Variants in VSIG10L observed in about 807,000 individuals in gnomAD.
The protein encoded by VSIG10L is V-set and immunoglobulin domain containing 10 like, also known as V-set and immunoglobulin domain-containing protein 10-like.
VSIG10L carries 63 observed loss-of-function variants against 67.3 expected under a neutral mutation model. The ratio of observed to expected loss-of-function variants is 0.94; its 90% CI spans 0.76 to 1.15. The LOEUF is 1.15. Among genes scored for constraint, VSIG10L ranks in the 50% most tolerant of loss-of-function variants. The pLI is 0.00. For synonymous variants in VSIG10L, 499 were observed against 524.9 expected (o/e 0.95, Z 0.67); for missense variants, 1,050 against 1,177.5 (o/e 0.89, Z 1.58).
At position 51,341,921 on chromosome 19, in the gene VSIG10L, T is replaced by G; in HGVS notation, c.127A>C (p.Ser43Arg). ...TCCACACCCAGCCCCTGGGAAGAGCTCTTTGAGTCTGAAGAGAAGGCAGAG... is the reference window on the plus strand; with the variant it reads ...TCCACACCCAGCCCCTGGGAAGAGCGCTTTGAGTCTGAAGAGAAGGCAGAG... ...FSSAFSSDSK[S>R]SSQGLGVEVP... The change falls in exon 2 of 10, where the codon AGC becomes CGC. Residue 43 changes from serine to arginine, a missense_variant. By Grantham distance (110) the Ser-to-Arg change is moderately radical. This residue lies in a region of VSIG10L where 511 missense variants were observed against 557.9 expected (regional missense o/e 0.92). Coordinates refer to ENST00000335624, the MANE Select transcript of VSIG10L (RefSeq NM_001163922.3). 1 of 1,551,542 alleles carries G rather than the reference T, an allele frequency of 6.4e-7. No individual in the cohort carries two copies. The highest frequency in any genetic ancestry group is 8.7e-7 in the Non-Finnish European group (1 of 1,146,966).
chr19:51,338,906 T>C lies in VSIG10L; in HGVS notation c.1711A>G (p.Thr571Ala). The part of the protein sequence containing the change: ...CLARHLVATR[T>A]CTVTPEAPRE... The stretch of plus-strand genomic sequence containing the variant: ...CTCTCACCCGGCGTGACTGTGCAGG[T>C]ACGCGTGGCCACCAGGTGGCGAGCA... The change falls in exon 5 of 10, where the codon ACC becomes GCC. Residue 571 changes from threonine to alanine, a missense_variant. Thr to Ala is a moderately conservative substitution (Grantham distance 58, BLOSUM62 0). Transcript: ENST00000335624. The C allele has an allele frequency of 2.1e-6, 3 of 1,439,162 alleles. No homozygotes were observed. Among genetic ancestry groups the C allele is most frequent in the Non-Finnish European group, 2.7e-6 (3 of 1,092,904 alleles). The allele number at this position is 1,439,162 out of a possible 1,614,324, so 89.1% of individuals were successfully genotyped here.
intron 4 of VSIG10L, 33 bp downstream of exon 4, chr19:51,339,982 A>G: frequency 1.6e-6 from 2 of 1,230,912 alleles, no homozygotes; most frequent in Non-Finnish European, 1.0e-6. Flanking sequence ...CCCCTCTCCC[A>G]GGCATTCCCC....
At chr19:51,334,330 G>C (rs1422344829) in intron 7 of VSIG10L, 26 bp from the exon 8 acceptor site, 11 of 1,546,050 alleles carry the variant, frequency 7.1e-6, no homozygotes, top group Admixed American at 4.0e-5. Context: ...AGAAGAAAGA[G>C]AAGGGGAACA....
In VSIG10L at chr19:51,341,379, C is replaced by CA. The variant is rs1985632873; in HGVS notation, c.668dup (p.Val224GlyfsTer35). The CA allele has an allele frequency of 4.6e-6, 7 of 1,538,106 alleles. No individual in the cohort carries two copies. The highest frequency in any genetic ancestry group is 3.5e-6 in the Non-Finnish European group (4 of 1,143,428). On this transcript the variant is annotated frameshift_variant, in exon 2 of 10. Transcript: ENST00000335624. LOFTEE classifies it high-confidence loss of function. ...CCTTTGAGCCCCGGCGCCAGACCACCAGAGAGGTGGGGGGCCCAGGGTTGG... is the reference window on the plus strand; with the variant it reads ...CCTTTGAGCCCCGGCGCCAGACCACCAAGAGAGGTGGGGGGCCCAGGGTTGG...
At chr19:51,335,782 C>T (rs577694166) in intron 7 of VSIG10L, among the ~76,000 whole-genome samples, 1 of 152,214 alleles carries the variant, frequency 6.6e-6, no homozygotes, top group Non-Finnish European at 1.5e-5. Flanking sequence ...CGTGGTGGCT[C>T]ACACCTGTAA....
chr19:51,333,718 C>G (rs944631977), intron 9 of VSIG10L, 73 bp downstream of exon 9: 13 of 1,441,560 alleles, frequency 9.0e-6, no homozygotes, highest in Non-Finnish European at 1.2e-5. Context: ...AATTGAGACC[C>G]TCTCATCTCC....
In VSIG10L at chr19:51,341,758, A is replaced by G; in HGVS notation, c.290T>C (p.Val97Ala). 1 of 1,551,648 alleles carries G rather than the reference A, an allele frequency of 6.4e-7. No individual in the cohort carries two copies. Among genetic ancestry groups the G allele is most frequent in the Non-Finnish European group, 8.7e-7 (1 of 1,146,972 alleles). Residue 97 changes from valine to alanine, a missense_variant, in exon 2 of 10, where the codon GTT becomes GCT. By Grantham distance (64) the Val-to-Ala change is moderately conservative. This residue lies in a region of VSIG10L where 511 missense variants were observed against 557.9 expected (regional missense o/e 0.92). Transcript: ENST00000335624. ...GCTCAAATCTTGGCCCTCAGCAGAA[A>G]CATTTGACCAGAAGGACCCAGACAT... ...SNMSGSFWSN[V>A]SAEGQDLSPV...
chr19:51,336,753 C>T (rs1051151485), intron 7 of VSIG10L, among the ~76,000 whole-genome samples: 1 of 145,990 alleles, frequency 6.8e-6, no homozygotes, highest in African/African-American at 2.6e-5. Flanking sequence ...AGGACCCTGT[C>T]GACACCTTGA....
intron 6 of VSIG10L, 37 bp downstream of exon 6, chr19:51,337,893 C>A: frequency 6.6e-7 from 1 of 1,509,308 alleles, no homozygotes. Context: ...CGGCTGGGGA[C>A]GTGGACTTCA....
intron 6 of VSIG10L, 73 bp downstream of exon 6, chr19:51,337,857 T>C: frequency 6.8e-7 from 1 of 1,467,696 alleles, no homozygotes. Flanking sequence ...GTCTGGGGCC[T>C]GAACTTCTGG....
intron 7 of VSIG10L, among the ~76,000 whole-genome samples, chr19:51,336,703 A>G (rs1183517742): frequency 4.0e-5 from 6 of 151,894 alleles, no homozygotes; most frequent in Non-Finnish European, 7.4e-5. Context: ...GGAGCTAGGA[A>G]GACACAAAGG....
At position 51,341,187 on chromosome 19, in the gene VSIG10L, G is replaced by A; in HGVS notation, c.861C>T (p.Ser287=). ...CCACCGTGAACTCGTGAGTCTGCTG[G>A]GAGACCCCTGCCCGGATGACCTCAG... ...YTAEVIRAGV[S]QQTHEFTVGV... The change falls in exon 2 of 10, where the codon TCC becomes TCT. Residue 287 remains serine (S), a synonymous_variant. Transcript: ENST00000335624. The A allele has an allele frequency of 6.5e-7, 1 of 1,537,492 alleles. No homozygotes were observed. Among genetic ancestry groups the A allele is most frequent in the East Asian group, 2.5e-5 (1 of 40,746 alleles).
chr19:51,337,661 A>C, intron 6 of VSIG10L, 127 bp from the exon 7 acceptor site: 1 of 65,472 alleles, frequency 1.5e-5, no homozygotes, highest in Non-Finnish European at 2.4e-5. Flanking sequence ...CTGAGGGAGG[A>C]GGGGGTGGGG....
rs1985601423 is a variant in VSIG10L, at chr19:51,340,352, C to T, written c.1190-53G>A. ...AGTGTCAGGGTCACCTGGGACGCCGCTAGGACTCCCGGAGACTGGGTCCCC... is the reference window on the plus strand; with the variant it reads ...AGTGTCAGGGTCACCTGGGACGCCGTTAGGACTCCCGGAGACTGGGTCCCC... On this transcript the variant is annotated intron_variant, in intron 3 of 9. Transcript: ENST00000335624. This position sits in a 1 kb window ranked among gnomAD's most constrained non-coding sequence, Gnocchi z 6.3. 2 of 1,470,522 alleles carry T rather than the reference C, an allele frequency of 1.4e-6. No individual in the cohort carries two copies. Among genetic ancestry groups the T allele is most frequent in the Admixed American group, 2.3e-5 (1 of 43,656 alleles). 91.1% of individuals were successfully genotyped at this position (1,470,522 alleles called of 1,614,324 possible).
At chr19:51,334,325 A>T in intron 7 of VSIG10L, 21 bp from the exon 8 acceptor site, 1 of 1,547,772 alleles carries the variant, frequency 6.5e-7, no homozygotes. Flanking sequence ...CAAAGAGAAG[A>T]AAGAGAAGGG....
chr19:51,341,807 A>G lies in VSIG10L; in HGVS notation c.241T>C (p.Phe81Leu). 1 of 1,551,342 alleles carries G rather than the reference A, an allele frequency of 6.4e-7. No individual in the cohort carries two copies. The highest frequency in any genetic ancestry group is 8.7e-7 in the Non-Finnish European group (1 of 1,146,900). The change falls in exon 2 of 10, where the codon TTT becomes CTT. Residue 81 changes from phenylalanine (F) to leucine (L), a missense_variant. Phe to Leu is a conservative substitution (Grantham distance 22). This residue lies in a region of VSIG10L where 511 missense variants were observed against 557.9 expected (regional missense o/e 0.92). Transcript: ENST00000335624. Reference sequence around the variant, plus strand: ...ATGTTGGAACTCAGGGCCTCAGGAAACCAGCTGGAATCAGAGATTCCAGCA... The same window carrying G: ...ATGTTGGAACTCAGGGCCTCAGGAAGCCAGCTGGAATCAGAGATTCCAGCA... ...ASAGISDSSW[F>L]PEALSSNMSG... is the part of the protein sequence containing the mutation.
rs1985528555 is a variant in VSIG10L, at chr19:51,338,004, T to C, written c.1934A>G (p.Asp645Gly). 1.3e-6 allele frequency: 2 copies of C among 1,551,566 alleles called. No homozygotes were observed. The highest frequency in any genetic ancestry group is 2.7e-5 in the African/African-American group (2 of 73,026). The change falls in exon 6 of 10, where the codon GAT (aspartate) becomes GGT (glycine). Residue 645 changes from aspartate (D) to glycine (G), a missense_variant. Transcript: ENST00000335624. ...CACGGAGTAATTTCCCAGGTCCCAA[T>C]CCAGGCTGAAGTTGCCGATGTGGAG... ...RKLHIGNFSLDWDLGNYSVLC... is the reference protein window; with the variant it reads ...RKLHIGNFSLGWDLGNYSVLC...
Position 51,340,539 on chromosome 19 carries a change from G to A in VSIG10L, c.1083C>T (p.Asp361=). 7 of 1,535,096 alleles carry A rather than the reference G, an allele frequency of 4.6e-6. No individual in the cohort carries two copies. Among genetic ancestry groups the A allele is most frequent in the Non-Finnish European group, 6.1e-6 (7 of 1,145,550 alleles). ...AETPRMRSEG[D]QLLIVRPVRS... ...GCACAGGGCGCACGATGAGCAGCTG[G>A]TCGCCCTCTGAGCGCATCCGGGGCG... The change falls in exon 3 of 10, where the codon GAC becomes GAT. Residue 361 remains aspartate, a synonymous_variant. Transcript: ENST00000335624. This position sits in a 1 kb window ranked among gnomAD's most constrained non-coding sequence, Gnocchi z 6.3.
In VSIG10L at chr19:51,339,136, G is replaced by A; in HGVS notation, c.1481C>T (p.Pro494Leu). 2.3e-6 allele frequency: 3 copies of A among 1,302,304 alleles called. No individual in the cohort carries two copies. The highest frequency in any genetic ancestry group is 3.0e-6 in the Non-Finnish European group (3 of 1,016,654). 80.7% of individuals were successfully genotyped at this position (1,302,304 alleles called of 1,614,324 possible). ...SLLNLTVADL[P>L]PGAPQCSVEG... ...AACTGAGCACTGTGGGGCCCCGGGG[G>A]GCAGGTCTGCGGAGAGAAGGGAGAG... Residue 494 changes from proline to leucine, a missense_variant, in exon 5 of 10, where the codon CCC (proline) becomes CTC (leucine). Pro to Leu is a moderately conservative substitution (Grantham distance 98). This residue lies in a region of VSIG10L where 529 missense variants were observed against 584.9 expected (regional missense o/e 0.90). Coordinates refer to ENST00000335624, the MANE Select transcript of VSIG10L (RefSeq NM_001163922.3).
Sources: allele counts gnomAD v4.1 joint callset (sites outside exome capture counted in the v4.1 genomes callset), GRCh38; gene constraint gnomAD v4.1.1; regional missense constraint gnomAD v4.1.1; non-coding constraint Gnocchi (gnomAD v3.1); transcripts MANE v1.5; gene names NCBI Gene and HGNC (gene_info 2026-07-23, HGNC 2026-07-21).